The following CCDC3 variants were observed in gnomAD, a reference collection of about 807,000 sequenced individuals.
CCDC3 encodes coiled-coil domain-containing protein 3.
In CCDC3, 24 loss-of-function variants were observed where a neutral mutation model predicts 21.4. The observed-to-expected ratio is 1.12, with a 90% CI of 0.81 to 1.58. The LOEUF is 1.58. Ranked by LOEUF, CCDC3 falls within the 40% of genes most tolerant of loss-of-function variation. The pLI is 0.00. For synonymous variants in CCDC3, 186 were observed against 166.0 expected (o/e 1.12, Z -0.93); for missense variants, 425 against 360.9 (o/e 1.18, Z -1.44).
rs2280076 is a variant in CCDC3, at chr10:12,896,961, C to T, written c.*1455G>A. 0.21 allele frequency: 32,403 copies of T among 152,258 alleles called. 4,249 individuals carry two copies. The highest frequency in any genetic ancestry group is 0.3 in the Non-Finnish European group (20,224 of 68,120). The allele number at this position is 152,258 out of a possible 1,614,324, so 9.4% of individuals were successfully genotyped here. A position where few individuals can be genotyped will look rare whatever the true frequency, so the allele number is the denominator to read the frequency against. ...CAGCCTGCCACCAAGACTCAAGCAACGTAAGAGTCATCTCCCCAGACTGGC... is the reference window on the plus strand; with the variant it reads ...CAGCCTGCCACCAAGACTCAAGCAATGTAAGAGTCATCTCCCCAGACTGGC... On this transcript the variant is annotated 3_prime_UTR_variant, in exon 3 of 3. Transcript: ENST00000378825.
intron 2 of CCDC3, among the ~76,000 whole-genome samples, chr10:12,974,513 G>A (rs773753847): frequency 4.6e-5 from 7 of 152,226 alleles, no homozygotes; most frequent in Admixed American, 6.5e-5. Flanking sequence ...GAAATTGTAC[G>A]TGTGTCTGTT....
intron 2 of CCDC3, among the ~76,000 whole-genome samples, chr10:12,968,336 A>G (rs1835292955): frequency 6.6e-6 from 1 of 152,208 alleles, no homozygotes; most frequent in Non-Finnish European, 1.5e-5. Context: ...AAGTGGGATG[A>G]TATATTCAAA....
intron 2 of CCDC3, among the ~76,000 whole-genome samples, chr10:12,943,605 G>A (rs764240536): frequency 8.6e-5 from 13 of 151,956 alleles, no homozygotes; most frequent in Admixed American, 1.3e-4. Context: ...GCAACATGGC[G>A]CTGCCCAGGT....
intron 2 of CCDC3, among the ~76,000 whole-genome samples, chr10:12,976,506 C>T (rs1027028025): frequency 6.6e-6 from 1 of 152,162 alleles, no homozygotes; most frequent in African/African-American, 2.4e-5. Flanking sequence ...TCACACAAAG[C>T]TGAATCATCA....
At chr10:12,986,031 A>G (rs975861008) in intron 2 of CCDC3, among the ~76,000 whole-genome samples, 1 of 152,120 alleles carries the variant, frequency 6.6e-6, no homozygotes, top group Non-Finnish European at 1.5e-5. Context: ...GCCCGCCACC[A>G]CGCCCAGTTA....
chr10:12,976,110 C>A (rs1273525184), intron 2 of CCDC3, among the ~76,000 whole-genome samples: 1 of 152,214 alleles, frequency 6.6e-6, no homozygotes, highest in Non-Finnish European at 1.5e-5. Context: ...AGTGACAATC[C>A]CAGGCTGGGC....
At chr10:13,058,609 C>T (rs750035482) in intron 4 of CCDC3, 5 of 622,896 alleles carry the variant, frequency 8.0e-6, no homozygotes, top group East Asian at 2.6e-5. Context: ...ACCCTCTCGT[C>T]GTCTTCTAAA....
At chr10:12,911,994 T>C (rs979047946) in intron 2 of CCDC3, among the ~76,000 whole-genome samples, 9 of 152,226 alleles carry the variant, frequency 5.9e-5, no homozygotes, top group African/African-American at 2.2e-4. Flanking sequence ...TAAGGGTGCA[T>C]AGTATTCCAC....
intron 4 of CCDC3, among the ~76,000 whole-genome samples, chr10:13,066,152 C>A (rs985770770): frequency 2.7e-5 from 4 of 149,250 alleles, no homozygotes; most frequent in Middle Eastern, 3.4e-3. Context: ...GCTTAACAAG[C>A]ACCCTAGGTG....
Position 13,062,418 on chromosome 10 carries a change from T to C in CCDC3, c.-270+11450A>G, listed in dbSNP as rs555431968. 2.0e-5 allele frequency among the ~76,000 whole-genome samples: 3 copies of C among 152,324 alleles called. No homozygotes were observed. In the South Asian group the frequency reaches 6.2e-4, roughly 32 times the overall value. On this transcript the variant is annotated intron_variant, in intron 4 of 6. Transcript: ENST00000378839. ...GATTCTTCTCCAGTCCTCCTTAATG[T>C]TCCTACTTCTACTATTCTCATATTT...
intron 2 of CCDC3, among the ~76,000 whole-genome samples, chr10:12,945,810 T>C (rs1834907727): frequency 1.3e-5 from 2 of 152,248 alleles, no homozygotes; most frequent in Non-Finnish European, 2.9e-5. Context: ...TCTATAACTA[T>C]GTTCAAGTTA....
chr10:13,046,269 G>C (rs888335767), intron 5 of CCDC3, among the ~76,000 whole-genome samples: 1 of 152,036 alleles, frequency 6.6e-6, no homozygotes, highest in South Asian at 2.1e-4. Flanking sequence ...AGCTGGGCAT[G>C]ATGACTCACA....
At chr10:12,917,825 T>C (rs1187762547) in intron 2 of CCDC3, among the ~76,000 whole-genome samples, 1 of 152,256 alleles carries the variant, frequency 6.6e-6, no homozygotes, top group Admixed American at 6.5e-5. Flanking sequence ...TTACTGAATT[T>C]TGTACTTTCC....
intron 5 of CCDC3, among the ~76,000 whole-genome samples, chr10:13,042,818 A>G (rs549427261): frequency 6.1e-5 from 9 of 148,534 alleles, no homozygotes; most frequent in Non-Finnish European, 1.2e-4. Context: ...CTGAGGCAGG[A>G]GAATGGCGCG....
At chr10:12,917,243 G>T (rs1482899468) in intron 2 of CCDC3, among the ~76,000 whole-genome samples, 1 of 134,728 alleles carries the variant, frequency 7.4e-6, no homozygotes. Context: ...GCCCAGGCCG[G>T]ACTGCAGTGG....
intron 5 of CCDC3, among the ~76,000 whole-genome samples, chr10:13,049,296 C>A (rs1409703967): frequency 6.6e-6 from 1 of 152,096 alleles, no homozygotes; most frequent in Non-Finnish European, 1.5e-5. Context: ...GGGGAAAAAG[C>A]CTGTAGAGCA....
At chr10:12,968,733 A>G (rs950987545) in intron 2 of CCDC3, among the ~76,000 whole-genome samples, 2 of 152,340 alleles carry the variant, frequency 1.3e-5, no homozygotes, top group East Asian at 3.9e-4. Flanking sequence ...GGGGAGGTGG[A>G]TTAAAAGTAT....
chr10:12,959,960 C>A (rs555557554), intron 2 of CCDC3, among the ~76,000 whole-genome samples: 3 of 152,268 alleles, frequency 2.0e-5, no homozygotes, highest in African/African-American at 4.8e-5. Flanking sequence ...TCAAGACCAG[C>A]CTGGCCAACA....
At chr10:12,941,153 A>C (rs899371784) in intron 2 of CCDC3, among the ~76,000 whole-genome samples, 2 of 152,212 alleles carry the variant, frequency 1.3e-5, no homozygotes, top group Non-Finnish European at 2.9e-5. Context: ...CAAGCGGCTA[A>C]AACCAACGTG....
Sources: gnomAD v4.1 joint callset for allele counts (sites outside exome capture counted in the v4.1 genomes callset) on GRCh38, gnomAD v4.1.1 for gene constraint, MANE v1.5 for transcripts, NCBI Gene and HGNC (gene_info 2026-07-23, HGNC 2026-07-21) for gene names.